The following LAMA1 variants were observed in gnomAD, a reference collection of about 807,000 sequenced individuals.
LAMA1 encodes laminin subunit alpha-1.
LAMA1 carries 219 observed loss-of-function variants against 348.7 expected under a neutral mutation model. The ratio of observed to expected loss-of-function variants is 0.63; its 90% CI spans 0.56 to 0.70. The LOEUF is 0.70. LAMA1 is among the 30% of genes least tolerant of loss of function. The probability of loss-of-function intolerance (pLI) is 0.00; values close to 1 mark genes in which losing one functional copy is unlikely to be tolerated. For synonymous variants in LAMA1, 1,487 were observed against 1,491.0 expected, an observed-to-expected ratio of 1.00 and a Z score of 0.06; for missense variants, 3,744 against 3,888.0, an observed-to-expected ratio of 0.96 and a Z score of 0.99.
chr18:7,053,780 A>ATTTTTTT (rs371341214), intron 3 of LAMA1, among the ~76,000 whole-genome samples: 4,590 of 138,012 alleles, frequency 0.033, 258 homozygotes, highest in African/African-American at 0.12. Context: ...TCATTAGAGG[A>ATTTTTTT]TTTTTTTTTT....
chr18:6,967,489 C>G (rs2057638710), intron 48 of LAMA1, among the ~76,000 whole-genome samples: 1 of 152,162 alleles, frequency 6.6e-6, no homozygotes, highest in Non-Finnish European at 1.5e-5. Context: ...GAAAACTCAC[C>G]TAACCTCTCT....
chr18:7,026,518 G>A (rs1268899882), intron 16 of LAMA1, among the ~76,000 whole-genome samples: 2 of 152,134 alleles, frequency 1.3e-5, no homozygotes, highest in South Asian at 4.1e-4. Flanking sequence ...ATATATAGTG[G>A]AAAAATTGAC....
chr18:7,021,846 AT>A (rs869155341), intron 19 of LAMA1, among the ~76,000 whole-genome samples: 1 of 64,440 alleles, frequency 1.6e-5, no homozygotes, highest in African/African-American at 9.7e-5. Flanking sequence ...AATATATTAT[AT>A]TATATTATAT....
intron 10 of LAMA1, 55 bp downstream of exon 10, chr18:7,040,021 C>CT: frequency 6.3e-7 from 1 of 1,595,608 alleles, no homozygotes; most frequent in Non-Finnish European, 8.6e-7. Context: ...GAAAACACTC[C>CT]TTTTCCAGAG....
intron 42 of LAMA1, among the ~76,000 whole-genome samples, chr18:6,979,692 G>A (rs973420631): frequency 3.3e-5 from 5 of 152,128 alleles, no homozygotes; most frequent in African/African-American, 9.7e-5. Flanking sequence ...GAGGTCAGGA[G>A]ATCGAGACCA....
intron 1 of LAMA1, among the ~76,000 whole-genome samples, chr18:7,105,824 T>C (rs1395985358): frequency 1.3e-5 from 2 of 152,316 alleles, no homozygotes; most frequent in South Asian, 2.1e-4. Context: ...ATGTCATACA[T>C]GATCAAGAGT....
chr18:7,017,252 GT>G lies in LAMA1; in HGVS notation c.2808+25del, dbSNP rs2057893110. The G allele has an allele frequency of 3.2e-6, 5 of 1,556,750 alleles. No homozygotes were observed. The East Asian group carries it at 1.1e-4, about 35-fold the overall frequency. ...CAATCGCCTCTGTACCAAGGCTAAG[GT>G]GTCAATTAGTCACATGCATCTTACC... On this transcript the variant is annotated intron_variant, in intron 20 of 62. Coordinates refer to ENST00000389658, the MANE Select transcript of LAMA1 (RefSeq NM_005559.4).
chr18:7,073,327 T>C (rs2058153518), intron 3 of LAMA1, among the ~76,000 whole-genome samples: 1 of 152,170 alleles, frequency 6.6e-6, no homozygotes, highest in Non-Finnish European at 1.5e-5. Flanking sequence ...ATTAAGTATA[T>C]TCACACTGTT....
intron 22 of LAMA1, among the ~76,000 whole-genome samples, chr18:7,015,100 G>A (rs758064762): frequency 1.2e-4 from 18 of 152,062 alleles, no homozygotes; most frequent in Non-Finnish European, 2.2e-4. Context: ...TGCCCACCTC[G>A]GTCTCCCAAA....
At chr18:7,076,870 G>A (rs2058170383) in intron 3 of LAMA1, 1 of 152,142 alleles carries the variant, frequency 6.6e-6, no homozygotes, top group African/African-American at 2.4e-5. Flanking sequence ...TCACTGAAAC[G>A]AACATGGTCC....
chr18:6,982,319 T>C (rs1474361888), intron 41 of LAMA1, among the ~76,000 whole-genome samples, 178 bp downstream of exon 41: 2 of 152,188 alleles, frequency 1.3e-5, no homozygotes, highest in Non-Finnish European at 2.9e-5. Context: ...ATATGAAGTT[T>C]ATATGATAGG....
intron 11 of LAMA1, among the ~76,000 whole-genome samples, chr18:7,038,315 C>T (rs2058004591): frequency 6.6e-6 from 1 of 152,148 alleles, no homozygotes; most frequent in Admixed American, 6.5e-5. Flanking sequence ...ACTGGACACC[C>T]CTGTTGAACC....
Position 6,949,092 on chromosome 18 carries a change from G to A in LAMA1, c.8556+9C>T, listed in dbSNP as rs759196286. 13 of 1,613,966 alleles carry A rather than the reference G, an allele frequency of 8.1e-6. No homozygotes were observed. The highest frequency in any genetic ancestry group is 1.7e-5 in the Admixed American group (1 of 59,992). On this transcript the variant is annotated intron_variant, in intron 59 of 62. Coordinates refer to ENST00000389658, the MANE Select transcript of LAMA1 (RefSeq NM_005559.4). ...AAGGTAAAATGTCAGTATGGAAAAT[G>A]CTGCTTACATTTCCAATTTTCCTGG...
intron 51 of LAMA1, among the ~76,000 whole-genome samples, chr18:6,962,990 CT>C (rs753173270): frequency 5.3e-5 from 8 of 152,188 alleles, no homozygotes; most frequent in Non-Finnish European, 1.0e-4. Context: ...CATCTCCCAG[CT>C]GCACTCTTCT....
At position 6,961,633 on chromosome 18, in the gene LAMA1, G is replaced by A. The variant is rs1454008708; in HGVS notation, c.7579C>T (p.Leu2527Phe). Residue 2527 changes from leucine to phenylalanine, a missense_variant, in exon 53 of 63, where the codon CTC becomes TTC. Around this residue, in one of 3 missense-constraint regions of LAMA1, gnomAD observed 1,983 missense variants for 1,934.3 expected, o/e 1.03. Transcript: ENST00000389658. ...CCCCGCTTCTCCACATCCCCGCCGA[G>A]GGCAGCCAGGATGATGCCACTGCTG... ...TNSSGIILAALGGDVEKRGDR... is the reference protein window; with the variant it reads ...TNSSGIILAAFGGDVEKRGDR... 1.9e-6 allele frequency: 3 copies of A among 1,613,968 alleles called. No homozygotes were observed. The highest frequency in any genetic ancestry group is 2.5e-6 in the Non-Finnish European group (3 of 1,180,034).
intron 42 of LAMA1, among the ~76,000 whole-genome samples, chr18:6,979,247 A>C (rs1410460153): frequency 1.3e-5 from 2 of 152,254 alleles, no homozygotes; most frequent in Non-Finnish European, 2.9e-5. Context: ...TCAAAGTAAG[A>C]AGTAAGCCCA....
At chr18:7,098,731 C>A (rs2058275963) in intron 1 of LAMA1, among the ~76,000 whole-genome samples, 1 of 145,760 alleles carries the variant, frequency 6.9e-6, no homozygotes, top group Admixed American at 6.9e-5. Context: ...GGGGTCAGCC[C>A]CCCGCCCGGC....
chr18:7,034,679 G>T lies in LAMA1; in HGVS notation c.1851C>A (p.Leu617=), dbSNP rs1353164671. The T allele has an allele frequency of 1.9e-6, 3 of 1,613,456 alleles. No individual in the cohort carries two copies. Among genetic ancestry groups the T allele is most frequent in the Non-Finnish European group, 2.5e-6 (3 of 1,179,382 alleles). Residue 617 remains leucine (L), a synonymous_variant, in exon 14 of 63, where the codon CTC becomes CTA. Transcript: ENST00000389658. ...HADVIIKGNG[L]TLSTQAEGLS... ...GACCCTCAGCCTGTGTGCTTAAAGT[G>T]AGTCCGTTTCCCTAACATTTAAAAA...
At chr18:7,108,487 C>T (rs974251283) in intron 1 of LAMA1, among the ~76,000 whole-genome samples, 1 of 151,542 alleles carries the variant, frequency 6.6e-6, no homozygotes, top group African/African-American at 2.4e-5. Flanking sequence ...ATGGTGAAAC[C>T]CTGTCTCTAC....
Sources: gnomAD v4.1 joint callset for allele counts (sites outside exome capture counted in the v4.1 genomes callset) on GRCh38, gnomAD v4.1.1 for gene constraint, gnomAD v4.1.1 regional missense constraint, MANE v1.5 for transcripts, NCBI Gene and HGNC (gene_info 2026-07-23, HGNC 2026-07-21) for gene names.